RORA: variants seen among roughly 807,000 people sequenced by gnomAD.
RORA encodes RAR related orphan receptor A, also known as nuclear receptor ROR-alpha.
In RORA, 7 loss-of-function variants were observed where a neutral mutation model predicts 69.5. The ratio of observed to expected loss-of-function variants is 0.10; its 90% CI spans 0.06 to 0.19. The LOEUF is 0.19. RORA is among the 10% of genes least tolerant of loss of function. The pLI, the probability that RORA is intolerant of heterozygous loss-of-function variation, is 1.00. For synonymous variants in RORA, 261 were observed against 240.8 expected, an observed-to-expected ratio of 1.08 and a Z score of -0.78; for missense variants, 457 against 663.0, an observed-to-expected ratio of 0.69 and a Z score of 3.41.
intron 1 of RORA, among the ~76,000 whole-genome samples, chr15:60,804,154 G>T (rs2072625461): frequency 6.6e-6 from 1 of 151,904 alleles, no homozygotes; most frequent in Non-Finnish European, 1.5e-5. Context: ...CAGGCGTGGT[G>T]GTGGGTGCCT....
chr15:61,197,416 C>T (rs780263628), intron 1 of RORA, among the ~76,000 whole-genome samples: 2 of 152,208 alleles, frequency 1.3e-5, no homozygotes, highest in South Asian at 2.1e-4. Flanking sequence ...GTTCTAAGCA[C>T]CGCCGGTCAT....
intron 1 of RORA, among the ~76,000 whole-genome samples, chr15:60,914,847 A>G (rs577134658): frequency 6.6e-6 from 1 of 152,324 alleles, no homozygotes; most frequent in South Asian, 2.1e-4. Context: ...CCCCAGAAAT[A>G]TCAGAGGACA....
At chr15:60,634,399 C>CTTTTTTTTTTTTT (rs10604472) in intron 2 of RORA, among the ~76,000 whole-genome samples, 1 of 142,614 alleles carries the variant, frequency 7.0e-6, no homozygotes, top group Non-Finnish European at 1.5e-5. Flanking sequence ...AGTGCTACCA[C>CTTTTTTTTTTTTT]TTTTTTTTTT....
chr15:60,591,055 T>G (rs978715005), intron 2 of RORA, among the ~76,000 whole-genome samples: 1 of 152,222 alleles, frequency 6.6e-6, no homozygotes, highest in African/African-American at 2.4e-5. Flanking sequence ...GATACCGAAC[T>G]GGTGTCCTTC....
At chr15:60,914,288 G>C (rs984227802) in intron 1 of RORA, among the ~76,000 whole-genome samples, 5 of 152,092 alleles carry the variant, frequency 3.3e-5, no homozygotes, top group Non-Finnish European at 5.9e-5. Flanking sequence ...TTGGGGAAAG[G>C]GCTTTCCCAA....
chr15:60,531,570 ATT>A lies in RORA; in HGVS notation c.282+194_282+195del, dbSNP rs2066527468. On this transcript the variant is annotated intron_variant, in intron 3 of 10. Coordinates refer to ENST00000335670, the MANE Select transcript of RORA (RefSeq NM_134261.3). The surrounding 1 kb of genome is among the most constrained non-coding windows in gnomAD (Gnocchi z 4.8). ...AAATACCTTTTTGTAATCTCCTATT[ATT>A]TTGAAGGAAGGAGTAAAAATATATA... is the stretch of plus-strand genomic sequence containing the variant. The A allele has an allele frequency of 2.0e-6, 1 of 508,516 alleles. No homozygotes were observed. The allele number at this position is 508,516 out of a possible 1,614,324, so 31.5% of individuals were successfully genotyped here.
intron 1 of RORA, among the ~76,000 whole-genome samples, chr15:61,210,943 T>A (rs747030084): frequency 9.2e-5 from 14 of 152,202 alleles, no homozygotes; most frequent in Non-Finnish European, 1.9e-4. Context: ...GAGCTCGAGA[T>A]GGTGGCCAAG....
At chr15:60,775,179 C>T (rs13380422) in intron 1 of RORA, among the ~76,000 whole-genome samples, 2,663 of 152,224 alleles carry the variant, frequency 0.017, 70 homozygotes, top group African/African-American at 0.06. Flanking sequence ...CTAGTAGTAA[C>T]GTGACTCTAA....
intron 1 of RORA, among the ~76,000 whole-genome samples, chr15:60,975,303 A>G (rs1463372923): frequency 6.6e-6 from 1 of 152,122 alleles, no homozygotes; most frequent in Non-Finnish European, 1.5e-5. Flanking sequence ...TTTAGAAGTG[A>G]GATCCGAAAA....
chr15:60,520,385 CCT>C (rs1222349486), intron 3 of RORA: 1 of 151,856 alleles, frequency 6.6e-6, no homozygotes, highest in Non-Finnish European at 1.5e-5. Flanking sequence ...TTTTTAAAAA[CCT>C]CTTCTTTTCA....
chr15:60,881,857 GA>G (rs2073683907), intron 1 of RORA, among the ~76,000 whole-genome samples: 1 of 152,126 alleles, frequency 6.6e-6, no homozygotes, highest in South Asian at 2.1e-4. Flanking sequence ...CAAAACTGAT[GA>G]AAAATAAAGA....
At chr15:60,686,983 C>T (rs1216978767) in intron 1 of RORA, 2 of 152,264 alleles carry the variant, frequency 1.3e-5, no homozygotes, top group African/African-American at 4.8e-5. Context: ...GAAATATCAC[C>T]TGGTCTGCAG....
chr15:60,615,550 C>T (rs1336026227), intron 2 of RORA, among the ~76,000 whole-genome samples: 3 of 152,112 alleles, frequency 2.0e-5, no homozygotes, highest in Non-Finnish European at 4.4e-5. Flanking sequence ...ATGGGATTTG[C>T]GTTTACCCAG....
chr15:60,543,162 A>T (rs563799832), intron 2 of RORA, among the ~76,000 whole-genome samples: 1 of 126,002 alleles, frequency 7.9e-6, no homozygotes, highest in African/African-American at 2.9e-5. Flanking sequence ...TAAGGATGAA[A>T]GTGAAAACTT....
At chr15:60,968,827 C>T (rs1244646317) in intron 1 of RORA, among the ~76,000 whole-genome samples, 1 of 152,150 alleles carries the variant, frequency 6.6e-6, no homozygotes, top group Non-Finnish European at 1.5e-5. Flanking sequence ...ATTACAACCA[C>T]TCAAGTTTTG....
At chr15:61,191,270 G>A (rs2079797077) in intron 1 of RORA, among the ~76,000 whole-genome samples, 1 of 151,816 alleles carries the variant, frequency 6.6e-6, no homozygotes, top group Non-Finnish European at 1.5e-5. Context: ...ACAACTCTTG[G>A]CAGAGTACAC....
chr15:60,956,989 A>G (rs558560610), intron 1 of RORA, among the ~76,000 whole-genome samples: 2 of 152,314 alleles, frequency 1.3e-5, no homozygotes, highest in East Asian at 3.9e-4. Context: ...CTCTTGTCCT[A>G]TCAGCCTCAC....
intron 1 of RORA, among the ~76,000 whole-genome samples, chr15:60,807,003 A>C (rs1486287320): frequency 6.6e-6 from 1 of 152,204 alleles, no homozygotes; most frequent in Non-Finnish European, 1.5e-5. Context: ...AACTGAAACA[A>C]GACAAGGATG....
chr15:60,577,703 A>G (rs1438972333), intron 2 of RORA, among the ~76,000 whole-genome samples: 1 of 151,838 alleles, frequency 6.6e-6, no homozygotes, highest in Non-Finnish European at 1.5e-5. Flanking sequence ...TACATCAGTC[A>G]TTGCCATATT....
Sources: allele counts gnomAD v4.1 joint callset (sites outside exome capture counted in the v4.1 genomes callset), GRCh38; gene constraint gnomAD v4.1.1; non-coding constraint Gnocchi (gnomAD v3.1); transcripts MANE v1.5; gene names NCBI Gene and HGNC (gene_info 2026-07-23, HGNC 2026-07-21).